FAR2: variants seen among roughly 807,000 people sequenced by gnomAD.
FAR2 encodes the protein epididymis secretory protein Li 81.
A neutral mutation model predicts 56.0 loss-of-function variants in FAR2; 19 were observed. The observed-to-expected ratio is 0.34, with a 90% CI of 0.24 to 0.50. FAR2 has a LOEUF of 0.50. Among genes scored for constraint, FAR2 ranks in the 20% least tolerant of loss-of-function variants. FAR2 has a pLI of 0.98. For missense variants in FAR2, 508 were observed against 642.2 expected (o/e 0.79, Z 2.26); for synonymous variants, 219 against 218.8 (o/e 1.00, Z -0.01).
chr12:29,250,029 A>G (rs373469367), intron 1 of FAR2, among the ~76,000 whole-genome samples: 1 of 152,220 alleles, frequency 6.6e-6, no homozygotes, highest in East Asian at 1.9e-4. Context: ...GCTCACTAGC[A>G]TTTGTGCACC....
Position 29,248,889 on chromosome 12 carries a change from G to C in FAR2, c.-38-21523G>C, listed in dbSNP as rs183195464. On this transcript the variant is annotated intron_variant, in intron 1 of 11. Transcript: ENST00000536681. ...TTTGCTTTTGAAAGAAGAGATATAT[G>C]GCTCTGTTCCGCCCGGCTCACCGGC... Among the ~76,000 whole-genome samples the C allele has an allele frequency of 6.2e-4, 94 of 152,338 alleles. 1 individual carries two copies. In the East Asian group the frequency reaches 0.015, roughly 24 times the overall value.
In FAR2 at chr12:29,258,202, A is replaced by G. The variant is rs192529135; in HGVS notation, c.-38-12210A>G. On this transcript the variant is annotated intron_variant, in intron 1 of 11. Coordinates refer to ENST00000536681, the MANE Select transcript of FAR2 (RefSeq NM_001271783.2). ...TTACTTAAAAAAAAAAAAAAATGCA[A>G]AAATTAGCCAGGCGTAGTGGCAGGT... is the stretch of plus-strand genomic sequence containing the variant. 4.9e-4 allele frequency among the ~76,000 whole-genome samples: 75 copies of G among 151,740 alleles called. 1 individual carries two copies. In the East Asian group the frequency reaches 0.014, roughly 29 times the overall value.
chr12:29,260,435 T>A (rs1948397436), intron 1 of FAR2, among the ~76,000 whole-genome samples: 2 of 152,294 alleles, frequency 1.3e-5, no homozygotes, highest in South Asian at 4.1e-4. Context: ...AGATACTGGC[T>A]TATGTTTTGT....
chr12:29,222,096 G>A (rs551602424), intron 1 of FAR2, among the ~76,000 whole-genome samples: 2 of 152,134 alleles, frequency 1.3e-5, no homozygotes, highest in Admixed American at 6.5e-5. Context: ...TGATCTGCCC[G>A]CCTCGGCCTC....
intron 1 of FAR2, among the ~76,000 whole-genome samples, chr12:29,240,814 TA>T (rs201770174): frequency 0.022 from 3,335 of 152,022 alleles, 122 homozygotes; most frequent in African/African-American, 0.07. Flanking sequence ...TTTTTTTATA[TA>T]TTTTTTTTGA....
At chr12:29,279,596 T>C (rs971023347) in intron 2 of FAR2, among the ~76,000 whole-genome samples, 3 of 152,178 alleles carry the variant, frequency 2.0e-5, no homozygotes, top group African/African-American at 7.2e-5. Context: ...TTGTAAACTG[T>C]TTTTTGCTTT....
intron 2 of FAR2, among the ~76,000 whole-genome samples, chr12:29,288,752 C>T (rs896826649): frequency 2.0e-5 from 3 of 152,154 alleles, no homozygotes; most frequent in Admixed American, 6.5e-5. Flanking sequence ...TCATCACAGT[C>T]ATACAAACTT....
At position 29,203,957 on chromosome 12, in the gene FAR2, G is replaced by A. The variant is rs1324213165; in HGVS notation, c.-39+54550G>A. 2.3e-4 allele frequency among the ~76,000 whole-genome samples: 27 copies of A among 119,690 alleles called. No homozygotes were observed. In the South Asian group the frequency reaches 3.1e-3, roughly 14 times the overall value. The allele number at this position is 119,690 out of a possible 152,430, so 78.5% of individuals were successfully genotyped here. ...GGAGCTTGCAGTGAGCCGAGATTGC[G>A]CCACCACACTCCAGCCTGGGAGAGA... On this transcript the variant is annotated intron_variant, in intron 1 of 11. Coordinates refer to ENST00000536681, the MANE Select transcript of FAR2 (RefSeq NM_001271783.2).
intron 3 of FAR2, among the ~76,000 whole-genome samples, chr12:29,293,830 A>G (rs575641600): frequency 3.3e-5 from 5 of 152,178 alleles, no homozygotes; most frequent in African/African-American, 1.2e-4. Flanking sequence ...TCCATTGTAC[A>G]TATATATATA....
intron 1 of FAR2, among the ~76,000 whole-genome samples, chr12:29,177,977 A>G (rs1330224209): frequency 6.6e-6 from 1 of 152,214 alleles, no homozygotes; most frequent in Non-Finnish European, 1.5e-5. Flanking sequence ...GCTAATGGGA[A>G]GGAGCTCAGT....
intron 1 of FAR2, among the ~76,000 whole-genome samples, chr12:29,237,258 G>A (rs1947956860): frequency 6.6e-6 from 1 of 152,084 alleles, no homozygotes; most frequent in Admixed American, 6.6e-5. Context: ...ACTTTCCAGG[G>A]TCTACAGGAT....
chr12:29,307,066 C>T (rs1313531665), intron 4 of FAR2, among the ~76,000 whole-genome samples: 2 of 152,108 alleles, frequency 1.3e-5, no homozygotes, highest in African/African-American at 4.8e-5. Flanking sequence ...GGATTTTTAT[C>T]GGACAACACT....
intron 1 of FAR2, among the ~76,000 whole-genome samples, chr12:29,199,505 C>G (rs1231377076): frequency 6.7e-6 from 1 of 149,730 alleles, no homozygotes; most frequent in East Asian, 2.0e-4. Context: ...GAGGCTGAGG[C>G]AGGAGAATGG....
Position 29,316,862 on chromosome 12 carries a change from T to A in FAR2, c.977T>A (p.Phe326Tyr), listed in dbSNP as rs758815802. 9.3e-6 allele frequency: 15 copies of A among 1,614,094 alleles called. No homozygotes were observed. The South Asian group carries it at 1.5e-4, about 17-fold the overall frequency. The part of the protein sequence containing the change: ...HKMGVQVLAT[F>Y]EKIPFERPFR... ...CCAGGAGTCCAAGTCTTGGCAACCT[T>A]TGAAAAAATCCCATTTGAGAGACCT... The change falls in exon 9 of 12, where the codon TTT becomes TAT. Residue 326 changes from phenylalanine to tyrosine, a missense_variant. Transcript: ENST00000536681.
rs905384783 is a variant in FAR2 at position 29,191,404 on chromosome 12, A to G, written c.-39+41997A>G. On this transcript the variant is annotated intron_variant, in intron 1 of 11. Coordinates refer to ENST00000536681, the MANE Select transcript of FAR2 (RefSeq NM_001271783.2). ...GTGTAAGGAGAAAACTTGTAATGCC[A>G]TATATGAACTGAAATGGACAATCGC... Among the ~76,000 whole-genome samples the G allele has an allele frequency of 2.0e-5, 3 of 152,262 alleles. No individual in the cohort carries two copies. The East Asian group carries it at 5.8e-4, about 29-fold the overall frequency.
intron 4 of FAR2, chr12:29,302,178 CGA>C (rs1949179994): frequency 7.1e-6 from 1 of 140,268 alleles, no homozygotes; most frequent in African/African-American, 2.7e-5. Flanking sequence ...TGAAGTGAGC[CGA>C]GAGATTGTGC....
intron 1 of FAR2, among the ~76,000 whole-genome samples, chr12:29,192,471 CTTCTT>C (rs1431540437): frequency 6.6e-6 from 1 of 152,156 alleles, no homozygotes; most frequent in Non-Finnish European, 1.5e-5. Context: ...TATATGCAAT[CTTCTT>C]TTCATCTTTA....
intron 1 of FAR2, among the ~76,000 whole-genome samples, chr12:29,167,010 C>T (rs966384027): frequency 1.3e-5 from 2 of 152,196 alleles, no homozygotes; most frequent in Admixed American, 6.5e-5. Flanking sequence ...CCAACTGCTT[C>T]TATTCCTACC....
At position 29,311,980 on chromosome 12, in the gene FAR2, T is replaced by TTAG. The variant is rs759040877; in HGVS notation, c.955+32_955+33insGTA. The TTAG allele has an allele frequency of 2.7e-5, 41 of 1,520,098 alleles. No homozygotes were observed. In the African/African-American group the frequency reaches 4.1e-4, roughly 15 times the overall value. 94.2% of individuals were successfully genotyped at this position (1,520,098 alleles called of 1,614,324 possible). ...GTACTTTAGCTATGTAACTCTATAA[T>TTAG]TACTAGTGTCTGGCACAGAGAAAAA... On this transcript the variant is annotated intron_variant, in intron 8 of 11. Coordinates refer to ENST00000536681, the MANE Select transcript of FAR2 (RefSeq NM_001271783.2).
Sources: allele counts gnomAD v4.1 joint callset (sites outside exome capture counted in the v4.1 genomes callset), GRCh38; gene constraint gnomAD v4.1.1; transcripts MANE v1.5; gene names NCBI Gene and HGNC (gene_info 2026-07-23, HGNC 2026-07-21).